The following RBFOX1 variants were observed in gnomAD, a reference collection of about 807,000 sequenced individuals.
RBFOX1 encodes RNA binding fox-1 homolog 1, also known as RNA binding protein fox-1 homolog 1.
Under a neutral mutation model 57.7 loss-of-function variants are expected in RBFOX1, and 8 were observed. That is an observed-to-expected ratio of 0.14 (90% CI 0.08 to 0.25). The LOEUF (loss-of-function observed/expected upper bound fraction) is 0.25, where lower values mean the gene tolerates loss of function less well. Among genes scored for constraint, RBFOX1 ranks in the 10% least tolerant of loss-of-function variants. The pLI, the probability that RBFOX1 is intolerant of heterozygous loss-of-function variation, is 1.00. For missense variants in RBFOX1, 611 were observed against 548.5 expected (o/e 1.11, Z -1.14); for synonymous variants, 326 against 222.4 (o/e 1.47, Z -4.15).
chr16:7,347,226 G>T (rs771784873), intron 4 of RBFOX1, among the ~76,000 whole-genome samples: 2 of 152,296 alleles, frequency 1.3e-5, no homozygotes, highest in South Asian at 4.1e-4. Flanking sequence ...TTTTCATGCT[G>T]CTGATAAAGA....
At chr16:5,461,150 G>A (rs1168855295) in intron 1 of RBFOX1, among the ~76,000 whole-genome samples, 2 of 152,200 alleles carry the variant, frequency 1.3e-5, no homozygotes, top group Non-Finnish European at 2.9e-5. Context: ...CAGCTCCCAA[G>A]GTGACTGAAC....
intron 3 of RBFOX1, among the ~76,000 whole-genome samples, chr16:6,675,130 T>C (rs2057406863): frequency 6.6e-6 from 1 of 152,072 alleles, no homozygotes; most frequent in South Asian, 2.1e-4. Context: ...GGTCTCGATC[T>C]CTTGACCTCG....
intron 4 of RBFOX1, among the ~76,000 whole-genome samples, chr16:7,254,311 C>G (rs1286170559): frequency 6.6e-6 from 1 of 152,126 alleles, no homozygotes; most frequent in Non-Finnish European, 1.5e-5. Context: ...TAGCCCTTTT[C>G]TTGGATTACT....
At chr16:7,402,285 C>G (rs1648514493) in intron 4 of RBFOX1, among the ~76,000 whole-genome samples, 1 of 152,130 alleles carries the variant, frequency 6.6e-6, no homozygotes, top group South Asian at 2.1e-4. Context: ...GTTAACTGCC[C>G]TGAAAGTGGT....
At chr16:6,087,589 C>A (rs1415132080) in intron 1 of RBFOX1, among the ~76,000 whole-genome samples, 1 of 151,930 alleles carries the variant, frequency 6.6e-6, no homozygotes, top group Non-Finnish European at 1.5e-5. Flanking sequence ...CTTTAAATAA[C>A]TATATACTGT....
intron 2 of RBFOX1, among the ~76,000 whole-genome samples, chr16:6,573,291 G>GTT (rs2097371186): frequency 6.6e-6 from 1 of 152,124 alleles, no homozygotes; most frequent in Non-Finnish European, 1.5e-5. Context: ...AAGTCTGCCA[G>GTT]GGGACGCCAT....
intron 4 of RBFOX1, among the ~76,000 whole-genome samples, chr16:5,939,185 G>C (rs770148064): frequency 2.0e-5 from 3 of 152,128 alleles, no homozygotes; most frequent in Non-Finnish European, 4.4e-5. Context: ...GGCATATGTA[G>C]ACATGTAACA....
At chr16:7,701,172 A>C (rs2080563063) in intron 14 of RBFOX1, among the ~76,000 whole-genome samples, 1 of 146,384 alleles carries the variant, frequency 6.8e-6, no homozygotes, top group African/African-American at 2.8e-5. Context: ...AAACAGAGCC[A>C]AGTAGAGATG....
chr16:6,890,180 A>G (rs2065071920), intron 3 of RBFOX1, among the ~76,000 whole-genome samples: 1 of 152,194 alleles, frequency 6.6e-6, no homozygotes. Flanking sequence ...TGAAGTTGGG[A>G]GAAACACTGC....
At chr16:6,923,660 C>G (rs1235683798) in intron 3 of RBFOX1, among the ~76,000 whole-genome samples, 1 of 152,084 alleles carries the variant, frequency 6.6e-6, no homozygotes, top group East Asian at 1.9e-4. Context: ...ATCAGATATA[C>G]CCACACACCC....
intron 2 of RBFOX1, 27 bp from the exon 3 acceptor site, chr16:6,654,576 C>G (rs968443138): frequency 5.3e-5 from 80 of 1,495,428 alleles, no homozygotes; most frequent in Non-Finnish European, 6.8e-5. Context: ...CTTTCTCTCA[C>G]TTTCCTTTCT....
chr16:6,245,672 C>T (rs747752735), intron 1 of RBFOX1, among the ~76,000 whole-genome samples: 3 of 152,158 alleles, frequency 2.0e-5, no homozygotes, highest in Non-Finnish European at 2.9e-5. Context: ...CTCTTAACAA[C>T]TCTTAGTGGT....
rs545227534 is a variant in RBFOX1, at chr16:6,773,912, C to T, written c.-16+119262C>T. The stretch of plus-strand genomic sequence containing the variant: ...TTTGTGTGGGCATGGAGTGCATTTG[C>T]GTTGCGGGGGTGTGGAGTGTGTTTG... On this transcript the variant is annotated intron_variant, in intron 3 of 15. Coordinates refer to ENST00000550418, the MANE Select transcript of RBFOX1 (RefSeq NM_018723.4). The T allele has an allele frequency of 6.2e-5, 61 of 979,808 alleles. 1 individual carries two copies. In the South Asian group the frequency reaches 8.0e-4, roughly 13 times the overall value. 60.7% of individuals were successfully genotyped at this position (979,808 alleles called of 1,614,324 possible). A position where few individuals can be genotyped will look rare whatever the true frequency, so the allele number is the denominator to read the frequency against.
rs115639137 is a variant in RBFOX1, at chr16:6,500,624, C to A, written c.-63-153979C>A. On this transcript the variant is annotated intron_variant, in intron 2 of 15. Coordinates refer to ENST00000550418, the MANE Select transcript of RBFOX1 (RefSeq NM_018723.4). ...ATGGAAAAGAGCCAAGGTGAAGAGGCAATTGAAGTACATGGACTGTAACTA... is the reference window on the plus strand; with the variant it reads ...ATGGAAAAGAGCCAAGGTGAAGAGGAAATTGAAGTACATGGACTGTAACTA... Among the ~76,000 whole-genome samples the A allele has an allele frequency of 9.0e-3, 1,374 of 152,142 alleles. 12 individuals carry two copies. Among genetic ancestry groups the A allele is most frequent in the East Asian group, 0.026 (135 of 5,160 alleles).
intron 4 of RBFOX1, among the ~76,000 whole-genome samples, chr16:7,369,644 C>T (rs980185467): frequency 3.3e-5 from 5 of 152,068 alleles, no homozygotes; most frequent in Non-Finnish European, 7.4e-5. Flanking sequence ...CTAACTGTAA[C>T]AATTGTTTGA....
chr16:6,338,322 A>G (rs1235502698), intron 2 of RBFOX1, among the ~76,000 whole-genome samples: 4 of 152,186 alleles, frequency 2.6e-5, no homozygotes, highest in African/African-American at 7.2e-5. Flanking sequence ...TACCATGTTA[A>G]TAATTAGACA....
At chr16:6,769,531 TAAACA>T (rs1246258087) in intron 3 of RBFOX1, among the ~76,000 whole-genome samples, 5 of 152,254 alleles carry the variant, frequency 3.3e-5, no homozygotes, top group Non-Finnish European at 5.9e-5. Flanking sequence ...CGCCTTTTAA[TAAACA>T]TCAGGCTGTT....
chr16:6,226,429 G>T (rs1317526849), intron 1 of RBFOX1, among the ~76,000 whole-genome samples: 1 of 149,338 alleles, frequency 6.7e-6, no homozygotes, highest in African/African-American at 2.5e-5. Context: ...GCAATGTGAA[G>T]TAAGCCTGTC....
chr16:7,654,723 T>C (rs1484819681), intron 12 of RBFOX1, among the ~76,000 whole-genome samples: 1 of 152,208 alleles, frequency 6.6e-6, no homozygotes, highest in Non-Finnish European at 1.5e-5. Flanking sequence ...GCTAGAATAT[T>C]CTTGCACCTC....
Sources: allele counts gnomAD v4.1 joint callset (sites outside exome capture counted in the v4.1 genomes callset), GRCh38; gene constraint gnomAD v4.1.1; transcripts MANE v1.5; gene names NCBI Gene and HGNC (gene_info 2026-07-23, HGNC 2026-07-21).